The following DPP10 variants were observed in gnomAD, a reference collection of about 807,000 sequenced individuals.
The protein encoded by DPP10 is inactive dipeptidyl peptidase 10.
DPP10 carries 33 observed loss-of-function variants against 120.9 expected under a neutral mutation model. The ratio of observed to expected loss-of-function variants is 0.27; its 90% CI spans 0.21 to 0.37. The LOEUF (loss-of-function observed/expected upper bound fraction) is 0.37, where lower values mean the gene tolerates loss of function less well. Among genes scored for constraint, DPP10 ranks in the 10% least tolerant of loss-of-function variants. DPP10 has a pLI of 1.00. For synonymous variants in DPP10, 337 were observed against 326.1 expected, an observed-to-expected ratio of 1.03 and a Z score of -0.36; for missense variants, 816 against 942.8, an observed-to-expected ratio of 0.87 and a Z score of 1.76.
At chr2:115,499,437 C>T (rs898541414) in intron 3 of DPP10, 73 bp from the exon 4 acceptor site, 29 of 1,223,696 alleles carry the variant, frequency 2.4e-5, no homozygotes, top group Middle Eastern at 2.0e-4. Context: ...TTATTTTGCA[C>T]GTTTTCTCCC....
At chr2:115,426,122 C>T (rs1383844659) in intron 3 of DPP10, among the ~76,000 whole-genome samples, 2 of 56,160 alleles carry the variant, frequency 3.6e-5, no homozygotes, top group Admixed American at 1.9e-4. Context: ...ACATGAGATT[C>T]TCACCAGGTG....
At chr2:114,477,949 A>G (rs887369679) in intron 1 of DPP10, among the ~76,000 whole-genome samples, 4 of 147,814 alleles carry the variant, frequency 2.7e-5, no homozygotes, top group African/African-American at 1.0e-4. Flanking sequence ...ATATATGTAC[A>G]TATATGTGTG....
At chr2:115,221,217 G>A (rs998961224) in intron 1 of DPP10, among the ~76,000 whole-genome samples, 1 of 152,086 alleles carries the variant, frequency 6.6e-6, no homozygotes, top group African/African-American at 2.4e-5. Context: ...CCATCTGGCT[G>A]TGTTAGGCTC....
intron 1 of DPP10, among the ~76,000 whole-genome samples, chr2:115,197,079 G>A (rs2105269084): frequency 6.6e-6 from 1 of 152,212 alleles, no homozygotes; most frequent in African/African-American, 2.4e-5. Flanking sequence ...TTGAGGAAAG[G>A]AGTCTGGGCT....
At chr2:115,229,741 TATTCTATTC>T (rs2057641517) in intron 1 of DPP10, among the ~76,000 whole-genome samples, 1 of 148,886 alleles carries the variant, frequency 6.7e-6, no homozygotes, top group African/African-American at 2.5e-5. Flanking sequence ...TATTCTATTC[TATTCTATTC>T]TATTGGTCTA....
intron 11 of DPP10, among the ~76,000 whole-genome samples, chr2:115,758,347 T>C (rs1679684605): frequency 6.6e-6 from 1 of 152,014 alleles, no homozygotes; most frequent in African/African-American, 2.4e-5. Context: ...TCAGTTAAAA[T>C]ACCACTAAAA....
At chr2:115,800,258 C>T (rs1160445569) in intron 19 of DPP10, among the ~76,000 whole-genome samples, 1 of 151,824 alleles carries the variant, frequency 6.6e-6, no homozygotes, top group Admixed American at 6.6e-5. Context: ...TGTTCATGTC[C>T]TTCGCCCACT....
intron 1 of DPP10, among the ~76,000 whole-genome samples, chr2:115,234,805 T>C (rs1363841859): frequency 3.9e-5 from 6 of 152,208 alleles, no homozygotes; most frequent in Admixed American, 2.0e-4. Flanking sequence ...TTAATACATA[T>C]AAGCACCCAC....
rs796926049 is a variant in DPP10 at position 114,702,302 on chromosome 2, A to AT, written c.60+259476dup. ...AGGAAGCAAGTTTTGAAGTGAGGAA[A>AT]TTTTTTTTTTTTGACAGTTTAAGAT... is the stretch of plus-strand genomic sequence containing the variant. On this transcript the variant is annotated intron_variant, in intron 1 of 25. Transcript: ENST00000410059. Among the ~76,000 whole-genome samples, 427 of 147,962 alleles carry AT rather than the reference A, an allele frequency of 2.9e-3. 2 individuals are homozygous for AT. The highest frequency in any genetic ancestry group is 7.7e-3 in the African/African-American group (311 of 40,536).
chr2:114,923,793 A>G (rs1695394746), intron 1 of DPP10, among the ~76,000 whole-genome samples: 1 of 152,162 alleles, frequency 6.6e-6, no homozygotes, highest in Non-Finnish European at 1.5e-5. Flanking sequence ...GGTGTACTCA[A>G]TAGCAAAATT....
chr2:115,505,224 T>C (rs995755180), intron 4 of DPP10, among the ~76,000 whole-genome samples: 6 of 152,028 alleles, frequency 3.9e-5, no homozygotes, highest in African/African-American at 1.2e-4. Context: ...CTAAGTAATA[T>C]ATAAATAAAA....
chr2:115,451,828 T>C (rs2073131314), intron 3 of DPP10, among the ~76,000 whole-genome samples: 1 of 151,874 alleles, frequency 6.6e-6, no homozygotes, highest in South Asian at 2.1e-4. Flanking sequence ...TAAATGTAAG[T>C]TTTTTGAAGG....
intron 1 of DPP10, among the ~76,000 whole-genome samples, chr2:115,009,492 T>C (rs950740033): frequency 6.6e-6 from 1 of 151,604 alleles, no homozygotes; most frequent in African/African-American, 2.4e-5. Flanking sequence ...GACGAGTTAG[T>C]GGGTGCAGCA....
intron 1 of DPP10, among the ~76,000 whole-genome samples, chr2:115,274,527 G>A (rs899415952): frequency 4.6e-5 from 7 of 151,998 alleles, no homozygotes; most frequent in Admixed American, 2.0e-4. Flanking sequence ...ATTGTATAGC[G>A]TGTCCCCTGC....
chr2:114,552,173 GTC>G (rs1271822479), intron 1 of DPP10, among the ~76,000 whole-genome samples: 1 of 152,250 alleles, frequency 6.6e-6, no homozygotes, highest in Non-Finnish European at 1.5e-5. Context: ...GGTGTGTTAA[GTC>G]TCTCAGATCC....
At chr2:115,289,692 C>T (rs1353887326) in intron 1 of DPP10, among the ~76,000 whole-genome samples, 1 of 151,960 alleles carries the variant, frequency 6.6e-6, no homozygotes, top group Non-Finnish European at 1.5e-5. Context: ...AGACATAAAG[C>T]CAGATACTTA....
intron 1 of DPP10, among the ~76,000 whole-genome samples, chr2:114,475,558 A>T (rs1680304684): frequency 6.6e-6 from 1 of 152,082 alleles, no homozygotes; most frequent in Non-Finnish European, 1.5e-5. Flanking sequence ...ATGATTGTTA[A>T]AAATGCAGAA....
At chr2:114,809,296 C>T (rs993658600) in intron 1 of DPP10, among the ~76,000 whole-genome samples, 4 of 152,120 alleles carry the variant, frequency 2.6e-5, no homozygotes, top group Admixed American at 6.5e-5. Context: ...GTAAGAAGGC[C>T]ATTTAGATAA....
At chr2:114,767,430 T>C (rs969868021) in intron 1 of DPP10, among the ~76,000 whole-genome samples, 2 of 151,636 alleles carry the variant, frequency 1.3e-5, no homozygotes, top group Non-Finnish European at 2.9e-5. Context: ...AATAGTAATT[T>C]ATAGTACCAA....
Sources: allele counts gnomAD v4.1 joint callset (sites outside exome capture counted in the v4.1 genomes callset), GRCh38; gene constraint gnomAD v4.1.1; transcripts MANE v1.5; gene names NCBI Gene and HGNC (gene_info 2026-07-23, HGNC 2026-07-21).